Variants in SYMPK observed in about 807,000 individuals in gnomAD.
The protein encoded by SYMPK is symplekin scaffold protein.
SYMPK carries 49 observed loss-of-function variants against 136.4 expected under a neutral mutation model. The ratio of observed to expected loss-of-function variants is 0.36; its 90% CI spans 0.29 to 0.46. The LOEUF (loss-of-function observed/expected upper bound fraction) is 0.46. SYMPK is among the 20% of genes least tolerant of loss of function. The pLI is 1.00. For missense variants in SYMPK, 1,365 were observed against 1,690.0 expected, an observed-to-expected ratio of 0.81 and a Z score of 3.37; for synonymous variants, 766 against 713.0, an observed-to-expected ratio of 1.07 and a Z score of -1.19.
chr19:45,829,121 C>G lies in SYMPK; in HGVS notation c.1834G>C (p.Val612Leu). Residue 612 changes from valine to leucine, a missense_variant, in exon 14 of 27, where the codon GTG becomes CTG. Transcript: ENST00000245934. The part of the protein sequence containing the change: ...AEVLSFILED[V>L]RARLDLAFAW... Reference sequence around the variant, plus strand: ...AAGGCCAGGTCCAGGCGGGCCCGCACATCCTCCAGGATGAAGGACAGGACC... The same window carrying G: ...AAGGCCAGGTCCAGGCGGGCCCGCAGATCCTCCAGGATGAAGGACAGGACC... The G allele has an allele frequency of 1.2e-6, 2 of 1,614,198 alleles. No individual in the cohort carries two copies. Among genetic ancestry groups the G allele is most frequent in the East Asian group, 4.5e-5 (2 of 44,886 alleles).
At chr19:45,820,982 C>T in intron 22 of SYMPK, 1 of 591,530 alleles carries the variant, frequency 1.7e-6, no homozygotes, top group South Asian at 2.0e-5. Flanking sequence ...GCCTCACCTA[C>T]CCTGGCCCAC....
chr19:45,821,038 A>G lies in SYMPK; in HGVS notation c.2893+346T>C. The G allele has an allele frequency of 1.6e-6, 1 of 608,834 alleles. No individual in the cohort carries two copies. Among genetic ancestry groups the G allele is most frequent in the Non-Finnish European group, 2.9e-6 (1 of 342,292 alleles). 37.7% of individuals were successfully genotyped at this position (608,834 alleles called of 1,614,324 possible). A position where few individuals can be genotyped will look rare whatever the true frequency, so the allele number is the denominator to read the frequency against. On this transcript the variant is annotated intron_variant, in intron 22 of 26. Coordinates refer to ENST00000245934, the MANE Select transcript of SYMPK (RefSeq NM_004819.3). This position sits in a 1 kb window ranked among gnomAD's most constrained non-coding sequence, Gnocchi z 4.4. ...TCTGCCCTGCTGCTGCGCCTCTACC[A>G]CTCACGGTGTGCCCTGCTTCCTTCT... is the stretch of plus-strand genomic sequence containing the variant.
chr19:45,816,127 G>A lies in SYMPK; in HGVS notation c.3411C>T (p.Asp1137=). ...APAPAPRPPQ[D]LIGLRLAQEK... ...CCTGGGCCAGTCGCAGGCCGATGAG[G>A]TCCTGAGGGGGCCGGGGTGCTGGGG... Residue 1137 remains aspartate, a synonymous_variant, in exon 26 of 27, where the codon GAC becomes GAT. Coordinates refer to ENST00000245934, the MANE Select transcript of SYMPK (RefSeq NM_004819.3). 6.4e-7 allele frequency: 1 copy of A among 1,551,424 alleles called. No homozygotes were observed. The highest frequency in any genetic ancestry group is 8.7e-7 in the Non-Finnish European group (1 of 1,145,992).
intron 9 of SYMPK, among the ~76,000 whole-genome samples, chr19:45,840,428 C>A (rs1034410164): frequency 6.6e-6 from 1 of 151,118 alleles, no homozygotes; most frequent in Non-Finnish European, 1.5e-5. Flanking sequence ...CTTTAGGAGG[C>A]GAAGGCAGGC....
intron 5 of SYMPK, among the ~76,000 whole-genome samples, chr19:45,851,644 C>T (rs1330851800): frequency 2.0e-5 from 3 of 150,572 alleles, no homozygotes; most frequent in South Asian, 2.1e-4. Flanking sequence ...GAGGCCAAGG[C>T]GGGCAGATCA....
At chr19:45,822,034 C>T (rs1488564166) in intron 21 of SYMPK, among the ~76,000 whole-genome samples, 18 of 151,998 alleles carry the variant, frequency 1.2e-4, no homozygotes, top group Admixed American at 1.2e-3. Context: ...AACAGACATC[C>T]TCCATTTTTT....
At chr19:45,836,120 C>G (rs930451072) in intron 10 of SYMPK, among the ~76,000 whole-genome samples, 3 of 151,600 alleles carry the variant, frequency 2.0e-5, no homozygotes, top group Non-Finnish European at 4.4e-5. Context: ...CTCACTCTGT[C>G]CCCCAGGCTG....
At chr19:45,836,826 T>C (rs57555489) in intron 10 of SYMPK, among the ~76,000 whole-genome samples, 2,909 of 152,116 alleles carry the variant, frequency 0.019, 93 homozygotes, top group African/African-American at 0.066. Flanking sequence ...TTTCTTTTTG[T>C]AGAGACAGGG....
intron 5 of SYMPK, among the ~76,000 whole-genome samples, chr19:45,849,976 T>C (rs904280318): frequency 3.3e-5 from 5 of 151,982 alleles, no homozygotes; most frequent in Admixed American, 3.3e-4. Context: ...ACCTGTGTGG[T>C]GGAGGTTGCA....
Position 45,836,641 on chromosome 19 carries a change from TG to T in SYMPK, c.1243-1414del, listed in dbSNP as rs1228884600. On this transcript the variant is annotated intron_variant, in intron 10 of 26. Transcript: ENST00000245934. The stretch of plus-strand genomic sequence containing the variant: ...GCAAGACTCTGTCTCAAAAAAAAAA[TG>T]TATTATTTTTCTTAGAGACAGGGTC... Among the ~76,000 whole-genome samples, 5 of 150,646 alleles carry T rather than the reference TG, an allele frequency of 3.3e-5. No individual in the cohort carries two copies. The East Asian group carries it at 1.0e-3, about 30-fold the overall frequency.
chr19:45,831,571 G>T lies in SYMPK; in HGVS notation c.1411C>A (p.Gln471Lys). 6.2e-7 allele frequency: 1 copy of T among 1,606,636 alleles called. No individual in the cohort carries two copies. The highest frequency in any genetic ancestry group is 8.5e-7 in the Non-Finnish European group (1 of 1,176,442). The change falls in exon 12 of 27, where the codon CAG becomes AAG. Residue 471 changes from glutamine to lysine, a missense_variant. Coordinates refer to ENST00000245934, the MANE Select transcript of SYMPK (RefSeq NM_004819.3). ...GLGPGVEQTK[Q>K]CKEEPKEEKV... ...TCCTCCTTGGGCTCCTCCTTGCACT[G>T]TTTGGTCTGCTCTACACCTGAGGGG...
intron 5 of SYMPK, among the ~76,000 whole-genome samples, chr19:45,850,997 T>C (rs1441908161): frequency 6.6e-6 from 1 of 151,914 alleles, no homozygotes; most frequent in Non-Finnish European, 1.5e-5. Flanking sequence ...GCAGACAGGC[T>C]GCGAAATCCA....
chr19:45,857,929 G>A (rs1280751425), intron 1 of SYMPK, among the ~76,000 whole-genome samples: 1 of 151,308 alleles, frequency 6.6e-6, no homozygotes, highest in Non-Finnish European at 1.5e-5. Flanking sequence ...CTCCCAAGTA[G>A]CTGGGATTAC....
At chr19:45,824,020 G>T in intron 18 of SYMPK, 145 bp from the exon 19 acceptor site, 4 of 479,878 alleles carry the variant, frequency 8.3e-6, no homozygotes, top group Non-Finnish European at 1.2e-5. Flanking sequence ...GAAAGGTGGG[G>T]AAGGGCAGGA....
At chr19:45,849,614 G>A (rs1208897972) in intron 5 of SYMPK, among the ~76,000 whole-genome samples, 1 of 152,224 alleles carries the variant, frequency 6.6e-6, no homozygotes, top group African/African-American at 2.4e-5. Context: ...AGCCTAACAT[G>A]GATGCCTGGT....
chr19:45,856,498 TCA>T (rs1337342990), intron 1 of SYMPK, among the ~76,000 whole-genome samples: 5 of 152,306 alleles, frequency 3.3e-5, no homozygotes, highest in Admixed American at 2.6e-4. Context: ...TCTCTGGCTC[TCA>T]GTTTCCTCTT....
chr19:45,836,795 T>G (rs1269044786), intron 10 of SYMPK, among the ~76,000 whole-genome samples: 1 of 152,138 alleles, frequency 6.6e-6, no homozygotes, highest in African/African-American at 2.4e-5. Flanking sequence ...CATGCCACCA[T>G]GCCCGGCTAA....
chr19:45,831,190 A>G, intron 12 of SYMPK, 194 bp downstream of exon 12: 1 of 375,622 alleles, frequency 2.7e-6, no homozygotes. Context: ...TTTTTTTTAC[A>G]GGAAAGAGAA....
At chr19:45,828,911 G>T in intron 14 of SYMPK, 59 bp downstream of exon 14, 1 of 1,534,284 alleles carries the variant, frequency 6.5e-7, no homozygotes, top group Non-Finnish European at 9.0e-7. Flanking sequence ...AGAAAGGGAG[G>T]GCAGCACCAG....
Sources: allele counts gnomAD v4.1 joint callset (sites outside exome capture counted in the v4.1 genomes callset), GRCh38; gene constraint gnomAD v4.1.1; non-coding constraint Gnocchi (gnomAD v3.1); transcripts MANE v1.5; gene names NCBI Gene and HGNC (gene_info 2026-07-23, HGNC 2026-07-21).